The following TARBP1 variants were observed in gnomAD, a reference collection of about 807,000 sequenced individuals.
TARBP1 encodes the protein tRNA guanosine 2 -O-methyltransferase TARBP1, also known as tRNA (guanosine(18)-2'-O)-methyltransferase TARBP1.
TARBP1 carries 144 observed loss-of-function variants against 178.6 expected under a neutral mutation model. That is an observed-to-expected ratio of 0.81 (90% CI 0.70 to 0.93). The LOEUF is 0.93. TARBP1 is among the 40% of genes least tolerant of loss of function. The probability of loss-of-function intolerance (pLI) is 0.00; values close to 1 mark genes in which losing one functional copy is unlikely to be tolerated. For missense variants in TARBP1, 2,067 were observed against 2,011.7 expected (o/e 1.03, Z -0.53); for synonymous variants, 787 against 781.0 (o/e 1.01, Z -0.13).
intron 9 of TARBP1, among the ~76,000 whole-genome samples, chr1:234,454,797 G>A (rs747510467): frequency 1.3e-5 from 2 of 152,124 alleles, no homozygotes; most frequent in African/African-American, 2.4e-5. Context: ...CAAAGATACC[G>A]AGGTCCTAAT....
chr1:234,426,087 GACAAA>G (rs1663724834), intron 19 of TARBP1, among the ~76,000 whole-genome samples: 1 of 152,128 alleles, frequency 6.6e-6, no homozygotes, highest in East Asian at 1.9e-4. Flanking sequence ...CTTATTTGTG[GACAAA>G]ACAGATCACA....
intron 3 of TARBP1, among the ~76,000 whole-genome samples, chr1:234,470,700 C>A (rs549136781): frequency 8.1e-4 from 122 of 151,400 alleles, no homozygotes; most frequent in African/African-American, 2.5e-3. Flanking sequence ...ACTGCAACCT[C>A]CGCCTCCTGG....
chr1:234,479,116 C>G lies in TARBP1; in HGVS notation c.-13G>C. Reference sequence around the variant, plus strand: ...GCACCCACTCCATTTGCCGAGCGCCCGCGCCACCGGCCCGGGCTCCCAAAG... The same window carrying G: ...GCACCCACTCCATTTGCCGAGCGCCGGCGCCACCGGCCCGGGCTCCCAAAG... On this transcript the variant is annotated 5_prime_UTR_variant, in exon 1 of 30. Transcript: ENST00000040877. 1 of 1,522,978 alleles carries G rather than the reference C, an allele frequency of 6.6e-7. No homozygotes were observed. The highest frequency in any genetic ancestry group is 8.7e-7 in the Non-Finnish European group (1 of 1,148,940). 94.3% of individuals were successfully genotyped at this position (1,522,978 alleles called of 1,614,324 possible).
intron 8 of TARBP1, among the ~76,000 whole-genome samples, chr1:234,458,006 TAA>T (rs56105144): frequency 1.9e-4 from 28 of 143,594 alleles, no homozygotes; most frequent in East Asian, 8.0e-4. Flanking sequence ...GTCACAATCT[TAA>T]AAAAAAAAAA....
In TARBP1 at chr1:234,391,505, C is replaced by G; in HGVS notation, c.*72G>C. On this transcript the variant is annotated 3_prime_UTR_variant, in exon 30 of 30. Coordinates refer to ENST00000040877, the MANE Select transcript of TARBP1 (RefSeq NM_005646.4). ...AAATTATCACAATAAATTTCAGAAT[C>G]TGTTTCTTTAGTCCAAATAGTTTTT... 7.0e-7 allele frequency: 1 copy of G among 1,424,466 alleles called. No homozygotes were observed. The highest frequency in any genetic ancestry group is 9.4e-7 in the Non-Finnish European group (1 of 1,067,838). The allele number at this position is 1,424,466 out of a possible 1,614,324, so 88.2% of individuals were successfully genotyped here. A position where few individuals can be genotyped will look rare whatever the true frequency, so the allele number is the denominator to read the frequency against.
intron 20 of TARBP1, among the ~76,000 whole-genome samples, chr1:234,422,751 G>A (rs1303366300): frequency 6.6e-6 from 1 of 152,168 alleles, no homozygotes. Context: ...TGGATTGTTT[G>A]TAACATAAAG....
chr1:234,417,725 T>A (rs545851928), intron 22 of TARBP1, among the ~76,000 whole-genome samples: 1 of 152,236 alleles, frequency 6.6e-6, no homozygotes, highest in South Asian at 2.1e-4. Context: ...AAAACCTTTT[T>A]TTCAATTTTA....
chr1:234,391,523 T>G lies in TARBP1; in HGVS notation c.*54A>C. ...TCAGAATCTGTTTCTTTAGTCCAAA[T>G]AGTTTTTTTTAAAAAAGTCTGAACA... On this transcript the variant is annotated 3_prime_UTR_variant, in exon 30 of 30. Transcript: ENST00000040877. The G allele has an allele frequency of 1.3e-6, 2 of 1,505,520 alleles. No homozygotes were observed. Among genetic ancestry groups the G allele is most frequent in the Non-Finnish European group, 1.8e-6 (2 of 1,120,732 alleles). The allele number at this position is 1,505,520 out of a possible 1,614,324, so 93.3% of individuals were successfully genotyped here.
chr1:234,416,466 T>C (rs1045448830), intron 22 of TARBP1, among the ~76,000 whole-genome samples: 2 of 152,072 alleles, frequency 1.3e-5, no homozygotes, highest in African/African-American at 4.8e-5. Flanking sequence ...CTGGCTAATT[T>C]CTGTATTTTT....
intron 20 of TARBP1, among the ~76,000 whole-genome samples, chr1:234,424,341 A>T (rs1663465075): frequency 6.6e-6 from 1 of 152,202 alleles, no homozygotes; most frequent in African/African-American, 2.4e-5. Flanking sequence ...GATTTATTAA[A>T]CCTGTTCTTC....
At chr1:234,420,676 G>A in intron 21 of TARBP1, 26 bp downstream of exon 21, 3 of 1,459,216 alleles carry the variant, frequency 2.1e-6, no homozygotes, top group South Asian at 1.2e-5. Context: ...TGCTTCAAAG[G>A]TACAAATATA....
At chr1:234,431,997 C>T (rs1285804817) in intron 14 of TARBP1, among the ~76,000 whole-genome samples, 2 of 152,092 alleles carry the variant, frequency 1.3e-5, no homozygotes. Flanking sequence ...ATTAGCCAGG[C>T]ATGGTGGCGG....
chr1:234,434,383 T>G (rs1389496143), intron 13 of TARBP1, among the ~76,000 whole-genome samples: 1 of 152,230 alleles, frequency 6.6e-6, no homozygotes, highest in Non-Finnish European at 1.5e-5. Flanking sequence ...CAGTTTTTAC[T>G]GAGCAACCAC....
intron 20 of TARBP1, among the ~76,000 whole-genome samples, chr1:234,423,911 TA>T (rs1276248013): frequency 1.3e-5 from 2 of 152,082 alleles, no homozygotes; most frequent in Non-Finnish European, 2.9e-5. Context: ...TCTAAATAGC[TA>T]AATATATATT....
chr1:234,457,328 A>G (rs1417950528), intron 9 of TARBP1, among the ~76,000 whole-genome samples: 1 of 152,218 alleles, frequency 6.6e-6, no homozygotes, highest in Admixed American at 6.5e-5. Flanking sequence ...ATGACAGAAA[A>G]AAGAGAAAGA....
intron 9 of TARBP1, among the ~76,000 whole-genome samples, chr1:234,453,330 T>TG (rs67653709): frequency 1.6e-3 from 87 of 53,910 alleles, no homozygotes; most frequent in East Asian, 0.016. Context: ...TTTTTGTGTG[T>TG]TTTTTTTTTT....
intron 20 of TARBP1, among the ~76,000 whole-genome samples, chr1:234,423,566 G>A (rs936364116): frequency 1.3e-5 from 2 of 151,908 alleles, no homozygotes; most frequent in African/African-American, 2.4e-5. Context: ...CGCCTTTGTC[G>A]AGGTGACCAA....
At chr1:234,477,670 T>C (rs999359303) in intron 1 of TARBP1, among the ~76,000 whole-genome samples, 4 of 152,354 alleles carry the variant, frequency 2.6e-5, no homozygotes, top group Non-Finnish European at 5.9e-5. Context: ...TTAAGAAACA[T>C]GTTTAACAAA....
chr1:234,458,123 C>T (rs1186315442), intron 8 of TARBP1, among the ~76,000 whole-genome samples: 1 of 152,104 alleles, frequency 6.6e-6, no homozygotes, highest in Non-Finnish European at 1.5e-5. Context: ...GTGGGTGGAT[C>T]ACCTGAGGTC....
Sources: allele counts gnomAD v4.1 joint callset (sites outside exome capture counted in the v4.1 genomes callset), GRCh38; gene constraint gnomAD v4.1.1; transcripts MANE v1.5; gene names NCBI Gene and HGNC (gene_info 2026-07-23, HGNC 2026-07-21).